The following CCSER1 variants were observed in gnomAD, a reference collection of about 807,000 sequenced individuals.
The protein encoded by CCSER1 is coiled-coil serine rich protein 1, also known as serine-rich coiled-coil domain-containing protein 1.
In CCSER1, 41 loss-of-function variants were observed where a neutral mutation model predicts 82.0. That is an observed-to-expected ratio of 0.50 (90% CI 0.39 to 0.65). The LOEUF (loss-of-function observed/expected upper bound fraction) is 0.65. Among genes scored for constraint, CCSER1 ranks in the 30% least tolerant of loss-of-function variants. The probability of loss-of-function intolerance (pLI) is 0.00; values close to 1 mark genes in which losing one functional copy is unlikely to be tolerated. For missense variants in CCSER1, 1,119 were observed against 1,064.2 expected (o/e 1.05, Z -0.72); for synonymous variants, 414 against 383.9 (o/e 1.08, Z -0.92).
intron 10 of CCSER1, among the ~76,000 whole-genome samples, chr4:91,196,377 TAA>T (rs536659119): frequency 1.4e-5 from 2 of 148,068 alleles, no homozygotes; most frequent in African/African-American, 5.0e-5. Context: ...TAAGGAAGAG[TAA>T]AAAAAAAATG....
intron 5 of CCSER1, among the ~76,000 whole-genome samples, chr4:90,508,292 C>G (rs1770992431): frequency 6.6e-6 from 1 of 151,998 alleles, no homozygotes; most frequent in African/African-American, 2.4e-5. Flanking sequence ...GTCTATTTAT[C>G]TATACATTCA....
intron 3 of CCSER1, among the ~76,000 whole-genome samples, chr4:90,336,159 A>G (rs1740350679): frequency 6.6e-6 from 1 of 152,160 alleles, no homozygotes; most frequent in African/African-American, 2.4e-5. Flanking sequence ...TTTTATTCCA[A>G]GAGAATTTGG....
intron 10 of CCSER1, among the ~76,000 whole-genome samples, chr4:91,562,888 G>A (rs866769447): frequency 4.0e-5 from 6 of 151,680 alleles, no homozygotes; most frequent in South Asian, 4.2e-4. Context: ...ACATAAAGAC[G>A]TTTGAGAGTC....
rs747549174 is a variant in CCSER1 at position 90,400,130 on chromosome 4, G to T, written c.1603+1G>T. 5.2e-6 allele frequency: 8 copies of T among 1,546,728 alleles called. No homozygotes were observed. Among genetic ancestry groups the T allele is most frequent in the Non-Finnish European group, 3.6e-6 (4 of 1,120,650 alleles). ...GAGGAACAGAGTCTTCACCCTTCTG[G>T]TAAGTGTTAAAGAGATGAATAATAT... is the stretch of plus-strand genomic sequence containing the variant. On this transcript the variant is annotated splice_donor_variant, in intron 4 of 10. Coordinates refer to ENST00000509176, the MANE Select transcript of CCSER1 (RefSeq NM_001145065.2). LOFTEE classifies it high-confidence loss of function.
At chr4:91,363,760 G>T (rs1165675563) in intron 10 of CCSER1, among the ~76,000 whole-genome samples, 1 of 151,714 alleles carries the variant, frequency 6.6e-6, no homozygotes, top group Non-Finnish European at 1.5e-5. Flanking sequence ...CCTATTCTTT[G>T]ATCAAGATCT....
chr4:90,570,742 G>A (rs1780017034), intron 5 of CCSER1, among the ~76,000 whole-genome samples: 1 of 152,146 alleles, frequency 6.6e-6, no homozygotes, highest in African/African-American at 2.4e-5. Flanking sequence ...CTGGAGCACT[G>A]CTGCAGACCC....
intron 10 of CCSER1, among the ~76,000 whole-genome samples, chr4:91,371,439 G>A (rs942280195): frequency 5.3e-5 from 8 of 152,018 alleles, no homozygotes; most frequent in Non-Finnish European, 1.0e-4. Flanking sequence ...TATTTTTCAT[G>A]TACCTGGCTT....
intron 9 of CCSER1, among the ~76,000 whole-genome samples, chr4:91,024,192 T>A (rs925098330): frequency 2.4e-4 from 36 of 152,250 alleles, no homozygotes; most frequent in African/African-American, 8.4e-4. Context: ...TCAATACTGC[T>A]ACATTAGAGA....
chr4:91,364,209 T>G (rs1235295715), intron 10 of CCSER1, among the ~76,000 whole-genome samples: 3 of 152,090 alleles, frequency 2.0e-5, no homozygotes, highest in Admixed American at 6.6e-5. Flanking sequence ...TTAAATAGCA[T>G]AGTGCAGTAG....
chr4:91,234,696 T>A (rs186189817), intron 10 of CCSER1, among the ~76,000 whole-genome samples: 156 of 152,236 alleles, frequency 1.0e-3, no homozygotes, highest in African/African-American at 3.6e-3. Context: ...GTAGTGACAT[T>A]TCACTTTGAG....
intron 7 of CCSER1, among the ~76,000 whole-genome samples, chr4:90,776,866 C>T (rs1414372432): frequency 6.6e-6 from 1 of 152,156 alleles, no homozygotes; most frequent in Non-Finnish European, 1.5e-5. Flanking sequence ...ATTTCTCTCT[C>T]TTATTGTTTC....
At chr4:91,304,231 C>A (rs1744878299) in intron 10 of CCSER1, among the ~76,000 whole-genome samples, 1 of 151,810 alleles carries the variant, frequency 6.6e-6, no homozygotes, top group Admixed American at 6.6e-5. Flanking sequence ...TTATTGAAAG[C>A]TAGTTGATTA....
Position 91,212,768 on chromosome 4 carries a change from A to C in CCSER1, c.2217+126774A>C, listed in dbSNP as rs1020515021. On this transcript the variant is annotated intron_variant, in intron 10 of 10. Coordinates refer to ENST00000509176, the MANE Select transcript of CCSER1 (RefSeq NM_001145065.2). ...CTTCTATTTTAGATGCAGGAGGTACATGTGCAGGTTTGTTACATGGGTATA... is the reference window on the plus strand; with the variant it reads ...CTTCTATTTTAGATGCAGGAGGTACCTGTGCAGGTTTGTTACATGGGTATA... 3.9e-5 allele frequency among the ~76,000 whole-genome samples: 6 copies of C among 152,230 alleles called. No homozygotes were observed. In the South Asian group the frequency reaches 1.2e-3, roughly 32 times the overall value.
intron 6 of CCSER1, among the ~76,000 whole-genome samples, chr4:90,694,797 G>GGTGTGTGTGTGTGT (rs112192037): frequency 1.4e-5 from 2 of 145,364 alleles, no homozygotes; most frequent in Admixed American, 1.4e-4. Flanking sequence ...GTGTGTGTGG[G>GGTGTGTGTGTGTGT]GTGTGTGTGT....
intron 1 of CCSER1, among the ~76,000 whole-genome samples, chr4:90,246,494 A>G (rs990673753): frequency 6.6e-6 from 1 of 152,152 alleles, no homozygotes; most frequent in Non-Finnish European, 1.5e-5. Flanking sequence ...CTATAAGAGC[A>G]TGTAGTAAAC....
intron 8 of CCSER1, among the ~76,000 whole-genome samples, chr4:90,909,003 A>G (rs1284462331): frequency 1.3e-5 from 2 of 152,160 alleles, no homozygotes; most frequent in African/African-American, 4.8e-5. Flanking sequence ...ATCTGAAATC[A>G]AGATGTGGGC....
intron 5 of CCSER1, among the ~76,000 whole-genome samples, chr4:90,514,390 T>G (rs1388854878): frequency 2.6e-5 from 4 of 152,312 alleles, no homozygotes; most frequent in Non-Finnish European, 4.4e-5. Flanking sequence ...AGACTATAGA[T>G]GTAAAATGAT....
At chr4:91,003,122 G>A (rs539672131) in intron 9 of CCSER1, among the ~76,000 whole-genome samples, 2 of 152,312 alleles carry the variant, frequency 1.3e-5, no homozygotes, top group Admixed American at 1.3e-4. Context: ...TCATAGCCAT[G>A]GATAGCAACA....
At chr4:90,982,573 G>A (rs1162202843) in intron 9 of CCSER1, among the ~76,000 whole-genome samples, 2 of 151,676 alleles carry the variant, frequency 1.3e-5, no homozygotes, top group Non-Finnish European at 2.9e-5. Context: ...TAGGGTGAGG[G>A]CAAAGGAAAG....
Sources: allele counts gnomAD v4.1 joint callset (sites outside exome capture counted in the v4.1 genomes callset), GRCh38; gene constraint gnomAD v4.1.1; transcripts MANE v1.5; gene names NCBI Gene and HGNC (gene_info 2026-07-23, HGNC 2026-07-21).